HGSNAT: variants seen among roughly 807,000 people sequenced by gnomAD.
The protein encoded by HGSNAT is transmembrane protein 76.
In HGSNAT, 59 loss-of-function variants were observed where a neutral mutation model predicts 85.2. The observed-to-expected ratio is 0.69, with a 90% confidence interval of 0.56 to 0.86. The LOEUF (loss-of-function observed/expected upper bound fraction) is 0.86, where lower values mean the gene tolerates loss of function less well. HGSNAT is among the 40% of genes least tolerant of loss of function. The probability of loss-of-function intolerance (pLI) is 0.00; values close to 1 mark genes in which losing one functional copy is unlikely to be tolerated. For missense variants in HGSNAT, 756 were observed against 777.1 expected, an observed-to-expected ratio of 0.97 and a Z score of 0.32; for synonymous variants, 321 against 304.5, an observed-to-expected ratio of 1.05 and a Z score of -0.56.
chr8:43,190,516 C>T (rs1804491961), intron 11 of HGSNAT, among the ~76,000 whole-genome samples: 1 of 152,092 alleles, frequency 6.6e-6, no homozygotes, highest in South Asian at 2.1e-4. Flanking sequence ...GCGAGACGTG[C>T]CTGAGTGGGC....
chr8:43,195,560 TGAG>T lies in HGSNAT; in HGVS notation c.1465-1382_1465-1380del, dbSNP rs564650287. 5.0e-4 allele frequency among the ~76,000 whole-genome samples: 20 copies of T among 40,104 alleles called. 1 individual carries two copies. The South Asian group carries it at 0.014, about 28-fold the overall frequency. 26.3% of individuals were successfully genotyped at this position (40,104 alleles called of 152,430 possible). A position where few individuals can be genotyped will look rare whatever the true frequency, so the allele number is the denominator to read the frequency against. On this transcript the variant is annotated intron_variant, in intron 14 of 17. Transcript: ENST00000379644. Reference sequence around the variant, plus strand: ...AGGAGGGAGTAGAGGAGGAGGAGGATGAGGAGGAAGAGGGGGTGGAGGAAGAGG... The same window carrying T: ...AGGAGGGAGTAGAGGAGGAGGAGGATGAGGAAGAGGGGGTGGAGGAAGAGG...
At chr8:43,187,880 T>G (rs1804375219) in intron 11 of HGSNAT, among the ~76,000 whole-genome samples, 1 of 152,198 alleles carries the variant, frequency 6.6e-6, no homozygotes, top group South Asian at 2.1e-4. Flanking sequence ...TGTAAAGTAT[T>G]TTATTTCTCT....
At chr8:43,153,250 TA>T (rs1802976149) in intron 2 of HGSNAT, among the ~76,000 whole-genome samples, 1 of 152,132 alleles carries the variant, frequency 6.6e-6, no homozygotes, top group African/African-American at 2.4e-5. Flanking sequence ...TGGGGAAAGG[TA>T]TTTAAAATTA....
chr8:43,166,540 C>T (rs368111942), intron 5 of HGSNAT, among the ~76,000 whole-genome samples: 3 of 152,160 alleles, frequency 2.0e-5, no homozygotes, highest in Non-Finnish European at 4.4e-5. Flanking sequence ...CTGTTTACAG[C>T]GTGGCTTACT....
intron 11 of HGSNAT, among the ~76,000 whole-genome samples, chr8:43,189,586 G>A (rs945452557): frequency 6.6e-6 from 1 of 152,168 alleles, no homozygotes; most frequent in Non-Finnish European, 1.5e-5. Flanking sequence ...CACTTGGGGT[G>A]ATGCTCCACC....
intron 2 of HGSNAT, among the ~76,000 whole-genome samples, chr8:43,154,290 C>T (rs1803017477): frequency 6.6e-6 from 1 of 151,542 alleles, no homozygotes; most frequent in Non-Finnish European, 1.5e-5. Context: ...GTGTGCTGCA[C>T]CCATTAACTC....
At chr8:43,163,447 T>C (rs768364094) in intron 5 of HGSNAT, among the ~76,000 whole-genome samples, 9 of 151,774 alleles carry the variant, frequency 5.9e-5, no homozygotes, top group Non-Finnish European at 1.3e-4. Context: ...CTTTTTCACT[T>C]AGGCAACAAG....
intron 1 of HGSNAT, 87 bp downstream of exon 1, chr8:43,140,701 G>A (rs1436541695): frequency 3.2e-6 from 2 of 619,508 alleles, no homozygotes; most frequent in Admixed American, 5.6e-5. Flanking sequence ...CGTGCGCGGC[G>A]CCGAGCGCTA....
chr8:43,174,027 C>T (rs1803725621), intron 9 of HGSNAT: 1 of 226,590 alleles, frequency 4.4e-6, no homozygotes, highest in Non-Finnish European at 8.8e-6. Flanking sequence ...ACCAGCCTGG[C>T]CAACATGGTG....
intron 11 of HGSNAT, among the ~76,000 whole-genome samples, chr8:43,188,570 C>G (rs1804406338): frequency 6.6e-6 from 1 of 152,156 alleles, no homozygotes; most frequent in East Asian, 1.9e-4. Context: ...TTTTTAGCTT[C>G]TTTGAGATGG....
intron 2 of HGSNAT, among the ~76,000 whole-genome samples, chr8:43,153,412 C>G (rs979968659): frequency 6.6e-5 from 10 of 151,694 alleles, no homozygotes; most frequent in Admixed American, 6.6e-4. Flanking sequence ...TACAGTATCT[C>G]GAACTGCTGA....
chr8:43,165,247 T>A (rs1803397819), intron 5 of HGSNAT, among the ~76,000 whole-genome samples: 1 of 152,082 alleles, frequency 6.6e-6, no homozygotes, highest in South Asian at 2.1e-4. Context: ...TGATCAATGA[T>A]CTTTGATGCT....
intron 15 of HGSNAT, chr8:43,197,305 C>A: frequency 1.8e-6 from 1 of 541,462 alleles, no homozygotes; most frequent in Non-Finnish European, 3.3e-6. Context: ...AGAGGCGTAT[C>A]AGAGAGACTG....
intron 5 of HGSNAT, among the ~76,000 whole-genome samples, chr8:43,164,962 C>T (rs1586719091): frequency 6.6e-6 from 1 of 151,800 alleles, no homozygotes; most frequent in Non-Finnish European, 1.5e-5. Context: ...GCTTATTGAC[C>T]TTATTGACCT....
rs902879605 is a variant in HGSNAT, at chr8:43,200,185, C to T, written c.*616C>T. On this transcript the variant is annotated 3_prime_UTR_variant, in exon 18 of 18. Coordinates refer to ENST00000379644, the MANE Select transcript of HGSNAT (RefSeq NM_152419.3). ...TTCCTCTCTCGAAAAGTTAAAATAT[C>T]TATGTGTTATTCCCAAACCCTCTTA... The T allele has an allele frequency of 3.9e-5, 6 of 152,228 alleles. No individual in the cohort carries two copies. The highest frequency in any genetic ancestry group is 1.2e-4 in the African/African-American group (5 of 41,464). The allele number at this position is 152,228 out of a possible 1,614,324, so 9.4% of individuals were successfully genotyped here. A position where few individuals can be genotyped will look rare whatever the true frequency, so the allele number is the denominator to read the frequency against.
chr8:43,180,065 AC>A (rs1223203038), intron 10 of HGSNAT, among the ~76,000 whole-genome samples: 1 of 38,920 alleles, frequency 2.6e-5, no homozygotes, highest in Non-Finnish European at 4.7e-5. Context: ...CGGGGGGCTG[AC>A]CCCCCCACCT....
At chr8:43,181,969 G>A (rs1255959254) in intron 10 of HGSNAT, 176 bp from the exon 11 acceptor site, 2 of 620,522 alleles carry the variant, frequency 3.2e-6, no homozygotes, top group East Asian at 5.3e-5. Flanking sequence ...CCTGTTTTTG[G>A]AAGCTGGGCT....
chr8:43,190,724 T>A (rs1283159528), intron 11 of HGSNAT, among the ~76,000 whole-genome samples: 3 of 152,250 alleles, frequency 2.0e-5, no homozygotes, highest in Non-Finnish European at 4.4e-5. Context: ...TTACTTATTT[T>A]ATTTTTAAAT....
intron 11 of HGSNAT, among the ~76,000 whole-genome samples, chr8:43,189,009 G>T (rs1804426241): frequency 6.6e-6 from 1 of 152,146 alleles, no homozygotes; most frequent in Admixed American, 6.6e-5. Flanking sequence ...CGTCTCAGAG[G>T]GGCACCCAGC....
Sources: allele counts gnomAD v4.1 joint callset (sites outside exome capture counted in the v4.1 genomes callset), GRCh38; gene constraint gnomAD v4.1.1; transcripts MANE v1.5; gene names NCBI Gene and HGNC (gene_info 2026-07-23, HGNC 2026-07-21).